The following FRK variants were observed in gnomAD, a reference collection of about 807,000 sequenced individuals.
FRK encodes fyn related Src family tyrosine kinase.
Under a neutral mutation model 56.4 loss-of-function variants are expected in FRK, and 51 were observed. The observed-to-expected ratio is 0.90, with a 90% confidence interval of 0.72 to 1.14. The LOEUF is 1.14. Among genes scored for constraint, FRK ranks in the 50% most tolerant of loss-of-function variants. The pLI, the probability that FRK is intolerant of heterozygous loss-of-function variation, is 0.00. For synonymous variants in FRK, 245 were observed against 217.9 expected (o/e 1.12, Z -1.10); for missense variants, 570 against 601.4 (o/e 0.95, Z 0.55).
At chr6:116,021,638 C>A (rs2114736632) in intron 1 of FRK, among the ~76,000 whole-genome samples, 1 of 152,104 alleles carries the variant, frequency 6.6e-6, no homozygotes, top group East Asian at 1.9e-4. Context: ...AAATTTACAG[C>A]AAAGGTCATG....
rs139650148 is a variant in FRK, at chr6:115,947,734, A to G, written c.959-3309T>C. Among the ~76,000 whole-genome samples the G allele has an allele frequency of 4.8e-4, 73 of 152,330 alleles. 1 individual carries two copies. Among genetic ancestry groups the G allele is most frequent in the African/African-American group, 1.7e-3 (70 of 41,584 alleles). The stretch of plus-strand genomic sequence containing the variant: ...TGTATTAAGTCATAGAGAGTTTTGA[A>G]TTCTATATTATAGCAGCTGACATTA... On this transcript the variant is annotated intron_variant, in intron 5 of 7. Transcript: ENST00000606080.
chr6:116,007,697 C>T (rs1775295713), intron 1 of FRK, among the ~76,000 whole-genome samples: 2 of 152,152 alleles, frequency 1.3e-5, no homozygotes, highest in African/African-American at 4.8e-5. Context: ...GGTTGTAAAG[C>T]TGAATTAGTA....
intron 4 of FRK, among the ~76,000 whole-genome samples, 174 bp downstream of exon 4, chr6:115,967,377 G>C (rs1773620922): frequency 6.6e-6 from 1 of 152,094 alleles, no homozygotes; most frequent in African/African-American, 2.4e-5. Flanking sequence ...GTGTGTTCTT[G>C]TTTTTATATT....
At chr6:116,100,635 GCTC>G in the FRK span, among the ~76,000 whole-genome samples, 1 of 152,188 alleles carries the variant, frequency 6.6e-6, no homozygotes, top group Non-Finnish European at 1.5e-5. Context: ...TGCCTTCTGG[GCTC>G]CTAGGCTTGC....
chr6:115,943,127 G>A lies in FRK; in HGVS notation c.1199C>T (p.Thr400Ile). The change falls in exon 7 of 8, where the codon ACT (threonine) becomes ATT (isoleucine). Residue 400 changes from threonine to isoleucine, a missense_variant. By Grantham distance (89) the Thr-to-Ile change is moderately conservative. Transcript: ENST00000606080. ...RHEIKLPVKWTAPEAIRSNKF... is the reference protein window; with the variant it reads ...RHEIKLPVKWIAPEAIRSNKF... ...ATTACTACGAATGGCTTCGGGCGCA[G>A]TCCACTTCACCGGCAGCTTTATTTC... 1.9e-6 allele frequency: 3 copies of A among 1,613,002 alleles called. No individual in the cohort carries two copies. Among genetic ancestry groups the A allele is most frequent in the Non-Finnish European group, 2.5e-6 (3 of 1,179,488 alleles).
intron 2 of FRK, among the ~76,000 whole-genome samples, chr6:115,971,249 C>G (rs937848248): frequency 2.0e-4 from 30 of 152,130 alleles, no homozygotes; most frequent in African/African-American, 7.2e-4. Context: ...TAATTTTCAC[C>G]CTGGGTATAA....
rs369216672 is a variant in FRK, at chr6:116,003,998, C to A, written c.345G>T (p.Pro115=). ...ATCTTCCGATTGCTCCAAAGAACCA[C>A]CTAAAAAGAGAGATATGTAAATGTT... The part of the protein sequence containing the change: ...VAEDRSLQAE[P]WFFGAIGRSD... Residue 115 remains proline, a splice_region_variant and synonymous_variant, in exon 2 of 8, where the codon CCG becomes CCT. Coordinates refer to ENST00000606080, the MANE Select transcript of FRK (RefSeq NM_002031.3). The A allele has an allele frequency of 8.7e-6, 14 of 1,610,700 alleles. No individual in the cohort carries two copies. The highest frequency in any genetic ancestry group is 3.3e-4 in the Middle Eastern group (2 of 6,044).
chr6:115,952,182 G>C (rs202157739), intron 5 of FRK, among the ~76,000 whole-genome samples: 22 of 151,360 alleles, frequency 1.5e-4, no homozygotes, highest in Non-Finnish European at 2.1e-4. Flanking sequence ...AAGCTCTTTA[G>C]TTTAATTAGA....
At chr6:116,085,655 C>T in the FRK span, among the ~76,000 whole-genome samples, 3 of 152,128 alleles carry the variant, frequency 2.0e-5, no homozygotes, top group South Asian at 4.1e-4. Flanking sequence ...TATTTCTCTA[C>T]CCACTGACAA....
intron 1 of FRK, among the ~76,000 whole-genome samples, chr6:116,025,546 C>T (rs1460707942): frequency 6.6e-6 from 1 of 152,102 alleles, no homozygotes; most frequent in African/African-American, 2.4e-5. Context: ...TATACCTAGA[C>T]CATAAATATG....
chr6:116,083,626 A>T, the FRK span, among the ~76,000 whole-genome samples: 3 of 152,324 alleles, frequency 2.0e-5, no homozygotes, highest in South Asian at 6.2e-4. Flanking sequence ...CCCGACCTCC[A>T]GAGTTTCTGA....
rs34026302 is a variant in FRK, at chr6:115,953,180, A to ACTTTTTTTTTTTTTTTTTTTTTTTTT, written c.958+3271_958+3272insAAAAAAAAAAAAAAAAAAAAAAAAAG. 7.7e-5 allele frequency among the ~76,000 whole-genome samples: 8 copies of ACTTTTTTTTTTTTTTTTTTTTTTTTT among 104,032 alleles called. 4 individuals are homozygous for ACTTTTTTTTTTTTTTTTTTTTTTTTT. Among genetic ancestry groups the ACTTTTTTTTTTTTTTTTTTTTTTTTT allele is most frequent in the Admixed American group, 2.5e-4 (2 of 8,162 alleles). The allele number at this position is 104,032 out of a possible 152,430, so 68.2% of individuals were successfully genotyped here. ...AGAGTGGTACATCCATTTTAAGGCC[A>ACTTTTTTTTTTTTTTTTTTTTTTTTT]TTTTTTTTTTTTTTTTTTTTTTTTT... On this transcript the variant is annotated intron_variant, in intron 5 of 7. Transcript: ENST00000606080.
the FRK span, among the ~76,000 whole-genome samples, chr6:116,087,099 A>G: frequency 1.3e-5 from 2 of 152,262 alleles, no homozygotes; most frequent in Admixed American, 6.5e-5. Context: ...CATTGCCAAA[A>G]TAACGTCTCC....
the FRK span, among the ~76,000 whole-genome samples, chr6:116,071,770 T>A: frequency 2.6e-5 from 4 of 152,168 alleles, no homozygotes; most frequent in Non-Finnish European, 4.4e-5. Context: ...AGGCTAGTGC[T>A]TGGGGATATA....
chr6:116,040,722 G>GA (rs1675561934), intron 1 of FRK, among the ~76,000 whole-genome samples: 1 of 152,058 alleles, frequency 6.6e-6, no homozygotes. Context: ...CATCTTCTGG[G>GA]AAAAAAGATT....
In FRK at chr6:115,933,590, A is replaced by C. The variant is rs554307230; in HGVS notation, c.*8824T>G. ...CAGGAAAGGATAAACTTCTTTTCATATTTCAAAATCAGATCTTACTTAAAA... is the reference window on the plus strand; with the variant it reads ...CAGGAAAGGATAAACTTCTTTTCATCTTTCAAAATCAGATCTTACTTAAAA... On this transcript the variant is annotated 3_prime_UTR_variant, in exon 8 of 8. Coordinates refer to ENST00000606080, the MANE Select transcript of FRK (RefSeq NM_002031.3). 1.3e-5 allele frequency: 2 copies of C among 152,340 alleles called. No individual in the cohort carries two copies. The highest frequency in any genetic ancestry group is 3.9e-4 in the East Asian group (2 of 5,188). The allele number at this position is 152,340 out of a possible 1,614,324, so 9.4% of individuals were successfully genotyped here. A position where few individuals can be genotyped will look rare whatever the true frequency, so the allele number is the denominator to read the frequency against.
At chr6:116,006,034 G>C (rs1645976947) in intron 1 of FRK, among the ~76,000 whole-genome samples, 1 of 152,134 alleles carries the variant, frequency 6.6e-6, no homozygotes, top group Non-Finnish European at 1.5e-5. Flanking sequence ...TTACATCACA[G>C]TTAAAATCTT....
At chr6:116,074,225 C>T in the FRK span, among the ~76,000 whole-genome samples, 1 of 152,182 alleles carries the variant, frequency 6.6e-6, no homozygotes, top group East Asian at 1.9e-4. Context: ...GGGGGTGACT[C>T]ATCTGTCCTC....
chr6:116,100,377 C>G, the FRK span, among the ~76,000 whole-genome samples: 1,035 of 152,302 alleles, frequency 6.8e-3, 17 homozygotes, highest in South Asian at 0.044. Flanking sequence ...TCAAAGATCA[C>G]GTGGGTGAAA....
Sources: allele counts gnomAD v4.1 joint callset (sites outside exome capture counted in the v4.1 genomes callset), GRCh38; gene constraint gnomAD v4.1.1; transcripts MANE v1.5; gene names NCBI Gene and HGNC (gene_info 2026-07-23, HGNC 2026-07-21).